The following SLC35F4 variants were observed in gnomAD, a reference collection of about 807,000 sequenced individuals.
The protein encoded by SLC35F4 is chromosome 14 open reading frame 36.
In SLC35F4, 24 loss-of-function variants were observed where a neutral mutation model predicts 44.2. That is an observed-to-expected ratio of 0.54 (90% CI 0.39 to 0.76). The LOEUF (loss-of-function observed/expected upper bound fraction) is 0.76, where lower values mean the gene tolerates loss of function less well. SLC35F4 is among the 30% of genes least tolerant of loss of function. SLC35F4 has a pLI of 0.00. For synonymous variants in SLC35F4, 238 were observed against 223.6 expected (o/e 1.06, Z -0.57); for missense variants, 562 against 586.1 (o/e 0.96, Z 0.42).
At chr14:57,669,233 G>C (rs2074424694) in intron 1 of SLC35F4, among the ~76,000 whole-genome samples, 1 of 151,994 alleles carries the variant, frequency 6.6e-6, no homozygotes, top group East Asian at 1.9e-4. Flanking sequence ...ATTTTGGGCT[G>C]AGACAATGGG....
At chr14:57,621,264 T>C (rs995625733) in intron 1 of SLC35F4, among the ~76,000 whole-genome samples, 4 of 148,040 alleles carry the variant, frequency 2.7e-5, no homozygotes, top group Admixed American at 6.9e-5. Context: ...ACAGATTCAA[T>C]GCCATCCCCA....
chr14:57,589,581 T>C, intron 2 of SLC35F4, 68 bp from the exon 3 acceptor site: 4 of 1,435,890 alleles, frequency 2.8e-6, no homozygotes, highest in Non-Finnish European at 3.7e-6. Flanking sequence ...ATATATCAGC[T>C]CCTTAAAAAA....
intron 1 of SLC35F4, among the ~76,000 whole-genome samples, chr14:57,850,636 TCA>T (rs770264023): frequency 5.3e-5 from 8 of 152,340 alleles, no homozygotes; most frequent in Non-Finnish European, 1.0e-4. Flanking sequence ...ATTTAAAGCT[TCA>T]CAGTCACCAT....
intron 6 of SLC35F4, 130 bp downstream of exon 6, chr14:57,569,658 C>A (rs780121286): frequency 1.9e-6 from 2 of 1,064,754 alleles, no homozygotes; most frequent in Non-Finnish European, 2.6e-6. Context: ...ACATGACCAA[C>A]GACATTGAAC....
intron 1 of SLC35F4, among the ~76,000 whole-genome samples, chr14:57,841,390 T>A (rs775081817): frequency 6.6e-6 from 1 of 152,074 alleles, no homozygotes; most frequent in Non-Finnish European, 1.5e-5. Flanking sequence ...GTCCCAGAGG[T>A]ATGAACCAGA....
intron 1 of SLC35F4, among the ~76,000 whole-genome samples, chr14:57,954,028 G>A (rs1890191443): frequency 6.6e-6 from 1 of 152,054 alleles, no homozygotes; most frequent in Non-Finnish European, 1.5e-5. Flanking sequence ...TAATTGGAAG[G>A]AAATCACTCC....
chr14:57,764,053 C>T (rs1261648721), intron 1 of SLC35F4, among the ~76,000 whole-genome samples: 2 of 152,094 alleles, frequency 1.3e-5, no homozygotes, highest in African/African-American at 4.8e-5. Context: ...TCCTGAGACG[C>T]CCAAGACACA....
intron 1 of SLC35F4, among the ~76,000 whole-genome samples, chr14:57,964,991 A>AAAAATATATATATATATATAT (rs1555331532): frequency 8.6e-6 from 1 of 115,696 alleles, no homozygotes; most frequent in African/African-American, 3.7e-5. Flanking sequence ...AAAAAAAAAA[A>AAAAATATATATATATATATAT]ATATATATAT....
At chr14:57,918,244 A>G (rs962009337) in intron 1 of SLC35F4, among the ~76,000 whole-genome samples, 1 of 152,090 alleles carries the variant, frequency 6.6e-6, no homozygotes, top group African/African-American at 2.4e-5. Context: ...GGGCCTTTCT[A>G]TGACTCGGTC....
chr14:57,575,215 C>A (rs149787489), intron 4 of SLC35F4, among the ~76,000 whole-genome samples: 7 of 152,144 alleles, frequency 4.6e-5, no homozygotes, highest in African/African-American at 1.7e-4. Flanking sequence ...CAGTGGCTCA[C>A]GCCTGTAATT....
intron 2 of SLC35F4, 22 bp from the exon 3 acceptor site, chr14:57,589,535 A>G (rs781661339): frequency 1.9e-6 from 3 of 1,572,682 alleles, no homozygotes; most frequent in Non-Finnish European, 2.6e-6. Context: ...AAAGGAATAC[A>G]AATGTGAGGA....
intron 1 of SLC35F4, among the ~76,000 whole-genome samples, chr14:57,951,851 G>C (rs752941775): frequency 6.6e-6 from 1 of 152,190 alleles, no homozygotes; most frequent in African/African-American, 2.4e-5. Context: ...GGCGGCTATG[G>C]GCACAGCTTC....
At chr14:57,734,830 AGTGACTTCCAG>A (rs1224664399) in intron 1 of SLC35F4, among the ~76,000 whole-genome samples, 2 of 152,200 alleles carry the variant, frequency 1.3e-5, no homozygotes, top group Non-Finnish European at 2.9e-5. Context: ...ATTTCAAGTT[AGTGACTTCCAG>A]GTGACTTCAT....
intron 1 of SLC35F4, among the ~76,000 whole-genome samples, chr14:57,667,629 C>T (rs1276910392): frequency 2.6e-5 from 4 of 151,668 alleles, no homozygotes; most frequent in East Asian, 3.9e-4. Context: ...ATGATGGTTT[C>T]CAGCTTCATC....
intron 1 of SLC35F4, among the ~76,000 whole-genome samples, chr14:57,729,343 G>A (rs1258497164): frequency 6.6e-6 from 1 of 152,168 alleles, no homozygotes; most frequent in Admixed American, 6.5e-5. Flanking sequence ...AGCTGGAAAT[G>A]TGCTGGATAA....
At chr14:57,757,189 G>T (rs1452391785) in intron 1 of SLC35F4, among the ~76,000 whole-genome samples, 1 of 152,038 alleles carries the variant, frequency 6.6e-6, no homozygotes, top group Non-Finnish European at 1.5e-5. Flanking sequence ...TGAAATTTTT[G>T]CTTGATATTA....
At chr14:57,903,265 C>A (rs1889043650) in intron 1 of SLC35F4, among the ~76,000 whole-genome samples, 2 of 152,124 alleles carry the variant, frequency 1.3e-5, no homozygotes, top group South Asian at 4.1e-4. Flanking sequence ...AGGGGATCAA[C>A]AGATGGAAAA....
At chr14:57,662,627 C>T (rs1467938009) in intron 1 of SLC35F4, among the ~76,000 whole-genome samples, 1 of 152,184 alleles carries the variant, frequency 6.6e-6, no homozygotes, top group East Asian at 1.9e-4. Flanking sequence ...AGATCTTTAA[C>T]TTCCCAGCCT....
At chr14:57,643,025 A>G (rs149118235) in intron 1 of SLC35F4, among the ~76,000 whole-genome samples, 3,291 of 152,012 alleles carry the variant, frequency 0.022, 64 homozygotes, top group South Asian at 0.075. Flanking sequence ...AGCAAAAATT[A>G]TGGCTTTATC....
Sources: allele counts gnomAD v4.1 joint callset (sites outside exome capture counted in the v4.1 genomes callset), GRCh38; gene constraint gnomAD v4.1.1; transcripts MANE v1.5; gene names NCBI Gene and HGNC (gene_info 2026-07-23, HGNC 2026-07-21).